SPIDR: variants seen among roughly 807,000 people sequenced by gnomAD.
The protein encoded by SPIDR is scaffold protein involved in DNA repair.
A neutral mutation model predicts 104.6 loss-of-function variants in SPIDR; 93 were observed. That is an observed-to-expected ratio of 0.89 (90% CI 0.75 to 1.06). The LOEUF is 1.06. Ranked by LOEUF, SPIDR falls within the 50% of genes least tolerant of loss-of-function variation. The pLI is 0.00. For missense variants in SPIDR, 1,154 were observed against 1,111.2 expected (o/e 1.04, Z -0.55); for synonymous variants, 431 against 416.9 (o/e 1.03, Z -0.41).
chr8:47,592,853 CT>C (rs1387746862), intron 8 of SPIDR, among the ~76,000 whole-genome samples: 1 of 152,064 alleles, frequency 6.6e-6, no homozygotes, highest in African/African-American at 2.4e-5. Context: ...ATTTCTATTT[CT>C]TTCTTCCCAC....
intron 5 of SPIDR, among the ~76,000 whole-genome samples, chr8:47,358,078 T>C (rs779264704): frequency 6.6e-6 from 1 of 152,208 alleles, no homozygotes; most frequent in Non-Finnish European, 1.5e-5. Context: ...TATTTTTGTT[T>C]GCATATTCAT....
rs143774867 is a variant in SPIDR at position 47,609,310 on chromosome 8, C to G, written c.1544+10114C>G. Among the ~76,000 whole-genome samples the G allele has an allele frequency of 1.7e-4, 26 of 152,206 alleles. No homozygotes were observed. In the East Asian group the frequency reaches 5.0e-3, roughly 29 times the overall value. ...GTTTTCAGGGTCATAGCTAAGAAAC[C>G]ATTGGTGAATCCAAGGTTATGCAAA... On this transcript the variant is annotated intron_variant, in intron 10 of 19. Coordinates refer to ENST00000297423, the MANE Select transcript of SPIDR (RefSeq NM_001080394.4).
chr8:47,667,485 G>C (rs1483196965), intron 10 of SPIDR, among the ~76,000 whole-genome samples: 2 of 148,460 alleles, frequency 1.3e-5, no homozygotes, highest in East Asian at 3.9e-4. Context: ...GGTGGCATGT[G>C]CCTGTAGTCC....
intron 19 of SPIDR, chr8:47,732,253 C>T: frequency 4.3e-6 from 3 of 700,950 alleles, no homozygotes; most frequent in East Asian, 2.7e-5. Flanking sequence ...GGTAAAAGCC[C>T]TGCTTATAAA....
At chr8:47,661,562 T>C (rs139384645) in intron 10 of SPIDR, among the ~76,000 whole-genome samples, 24 of 152,340 alleles carry the variant, frequency 1.6e-4, no homozygotes, top group African/African-American at 5.8e-4. Flanking sequence ...AGATGTCAGA[T>C]CTCTTGAGCC....
At chr8:47,447,972 T>C (rs2070999307) in intron 8 of SPIDR, among the ~76,000 whole-genome samples, 1 of 152,228 alleles carries the variant, frequency 6.6e-6, no homozygotes, top group South Asian at 2.1e-4. Context: ...ACATAACTTT[T>C]ATATGCAATG....
At chr8:47,385,936 C>T (rs2059852128) in intron 5 of SPIDR, among the ~76,000 whole-genome samples, 1 of 152,024 alleles carries the variant, frequency 6.6e-6, no homozygotes, top group Non-Finnish European at 1.5e-5. Context: ...ACTAGAAAAA[C>T]CTTTCTCCAG....
chr8:47,656,066 C>T (rs934849257), intron 10 of SPIDR, among the ~76,000 whole-genome samples: 2 of 152,038 alleles, frequency 1.3e-5, no homozygotes, highest in Non-Finnish European at 2.9e-5. Flanking sequence ...AAAATTACTG[C>T]AAAATGAATC....
intron 5 of SPIDR, among the ~76,000 whole-genome samples, chr8:47,390,191 G>T (rs933606792): frequency 3.9e-5 from 6 of 152,114 alleles, no homozygotes; most frequent in South Asian, 2.1e-4. Context: ...TCAGCACAGG[G>T]TCTCTACAGA....
At chr8:47,367,426 T>G (rs1426284610) in intron 5 of SPIDR, among the ~76,000 whole-genome samples, 6 of 152,164 alleles carry the variant, frequency 3.9e-5, no homozygotes, top group African/African-American at 1.2e-4. Context: ...GGGGACCCAG[T>G]TAAAACATGG....
intron 5 of SPIDR, among the ~76,000 whole-genome samples, chr8:47,330,492 A>T (rs1030141145): frequency 1.3e-5 from 2 of 152,110 alleles, no homozygotes; most frequent in Non-Finnish European, 2.9e-5. Context: ...TGCACTAAAA[A>T]TCCTCTGTGC....
At chr8:47,287,311 C>G (rs1273980199) in intron 3 of SPIDR, among the ~76,000 whole-genome samples, 1 of 149,628 alleles carries the variant, frequency 6.7e-6, no homozygotes, top group African/African-American at 2.6e-5. Flanking sequence ...AGGGCGAAAT[C>G]AAAAACTCCT....
chr8:47,260,981 G>A lies in SPIDR; in HGVS notation c.23G>A (p.Arg8Gln), dbSNP rs981102656. ...GAGATGCCCCGCGGCAGCCGCGCTC[G>A]GGGCTCTAAGGTAGGCTCTGGGGCG... is the stretch of plus-strand genomic sequence containing the variant. Reference protein sequence around the residue: MPRGSRARGSKRKRSWNT... With the variant: MPRGSRAQGSKRKRSWNT... The change falls in exon 1 of 20, where the codon CGG (arginine) becomes CAG (glutamine). Residue 8 changes from arginine (R) to glutamine (Q), a missense_variant. By Grantham distance (43) the Arg-to-Gln change is conservative (BLOSUM62 1). Coordinates refer to ENST00000297423, the MANE Select transcript of SPIDR (RefSeq NM_001080394.4). 2 of 1,230,230 alleles carry A rather than the reference G, an allele frequency of 1.6e-6. No individual in the cohort carries two copies. The highest frequency in any genetic ancestry group is 2.0e-6 in the Non-Finnish European group (2 of 986,720). The allele number at this position is 1,230,230 out of a possible 1,614,324, so 76.2% of individuals were successfully genotyped here.
chr8:47,547,157 T>C, intron 8 of SPIDR: 1 of 606,860 alleles, frequency 1.6e-6, no homozygotes, highest in Non-Finnish European at 3.2e-6. Context: ...TAGCAGATGA[T>C]GCGAGCATCA....
rs370648908 is a variant in SPIDR at position 47,598,983 on chromosome 8, G to A, written c.1331G>A (p.Trp444Ter). Residue 444 changes from tryptophan (W) to a stop codon, truncating the protein, a stop_gained, in exon 10 of 20, where the codon TGG becomes TAG. Transcript: ENST00000297423. LOFTEE classifies it high-confidence loss of function. Reference sequence around the variant, plus strand: ...GGTGTAGCCACTACAGGGACAGCCTGGACCCATGGGCACAAAGAAGCAAAA... The same window carrying A: ...GGTGTAGCCACTACAGGGACAGCCTAGACCCATGGGCACAAAGAAGCAAAA... Reference protein sequence around the residue: ...CSGVATTGTAWTHGHKEAKQR... With the variant: ...CSGVATTGTA 48 of 1,613,934 alleles carry A rather than the reference G, an allele frequency of 3.0e-5. No individual in the cohort carries two copies. Among genetic ancestry groups the A allele is most frequent in the Non-Finnish European group, 4.1e-5 (48 of 1,179,910 alleles).
At chr8:47,572,452 A>G (rs928264741) in intron 8 of SPIDR, among the ~76,000 whole-genome samples, 1 of 152,068 alleles carries the variant, frequency 6.6e-6, no homozygotes, top group African/African-American at 2.4e-5. Flanking sequence ...TCACAAGGTG[A>G]AAAGATCGAG....
intron 8 of SPIDR, among the ~76,000 whole-genome samples, chr8:47,491,356 A>G (rs1554739387): frequency 6.6e-6 from 1 of 152,158 alleles, no homozygotes; most frequent in Admixed American, 6.6e-5. Flanking sequence ...CTGTTTATTT[A>G]AAAGAAAAAA....
At chr8:47,389,547 G>A (rs1442159645) in intron 5 of SPIDR, among the ~76,000 whole-genome samples, 1 of 151,882 alleles carries the variant, frequency 6.6e-6, no homozygotes, top group Non-Finnish European at 1.5e-5. Context: ...AAATTAGCTG[G>A]GCGTGGTGGT....
intron 11 of SPIDR, among the ~76,000 whole-genome samples, chr8:47,686,500 TAG>T (rs2077846105): frequency 6.6e-6 from 1 of 152,228 alleles, no homozygotes; most frequent in African/African-American, 2.4e-5. Flanking sequence ...TGAGTGTCAC[TAG>T]AGTCACTCTA....
Sources: gnomAD v4.1 joint callset for allele counts (sites outside exome capture counted in the v4.1 genomes callset) on GRCh38, gnomAD v4.1.1 for gene constraint, MANE v1.5 for transcripts, NCBI Gene and HGNC (gene_info 2026-07-23, HGNC 2026-07-21) for gene names.